DIAPH3: variants seen among roughly 807,000 people sequenced by gnomAD.
DIAPH3 encodes protein diaphanous homolog 3.
DIAPH3 carries 117 observed loss-of-function variants against 144.3 expected under a neutral mutation model. The observed-to-expected ratio is 0.81, with a 90% CI of 0.70 to 0.95. The LOEUF is 0.95. Ranked by LOEUF, DIAPH3 falls within the 40% of genes least tolerant of loss-of-function variation. The pLI, the probability that DIAPH3 is intolerant of heterozygous loss-of-function variation, is 0.00. For missense variants in DIAPH3, 1,421 were observed against 1,412.7 expected, an observed-to-expected ratio of 1.01 and a Z score of -0.09; for synonymous variants, 519 against 488.9, an observed-to-expected ratio of 1.06 and a Z score of -0.81.
At chr13:59,667,835 C>A (rs899302631) in intron 27 of DIAPH3, among the ~76,000 whole-genome samples, 2 of 152,078 alleles carry the variant, frequency 1.3e-5, no homozygotes, top group Non-Finnish European at 2.9e-5. Context: ...TTCCATTGTC[C>A]CAATAGTAAT....
rs184838028 is a variant in DIAPH3, at chr13:59,916,154, C to A, written c.2265+1G>T. On this transcript the variant is annotated splice_donor_variant, in intron 19 of 27. Coordinates refer to ENST00000400324, the MANE Select transcript of DIAPH3 (RefSeq NM_001042517.2). LOFTEE classifies it high-confidence loss of function. ...AATTTAAGCTGTGCCTGTTTGTTTA[C>A]CTGAATCATAGACTCTGCCAACCGT... The A allele has an allele frequency of 3.1e-6, 5 of 1,611,440 alleles. No homozygotes were observed. In the African/African-American group the frequency reaches 5.3e-5, roughly 17 times the overall value.
chr13:59,666,439 C>A lies in DIAPH3; in HGVS notation c.*145G>T. On this transcript the variant is annotated 3_prime_UTR_variant, in exon 28 of 28. Coordinates refer to ENST00000400324, the MANE Select transcript of DIAPH3 (RefSeq NM_001042517.2). The stretch of plus-strand genomic sequence containing the variant: ...CAGTACATAGAAAAAGCATTGCAAT[C>A]ATATATTTAGCTTTATTTTTCTAAT... 9 of 950,102 alleles carry A rather than the reference C, an allele frequency of 9.5e-6. No homozygotes were observed. Among genetic ancestry groups the A allele is most frequent in the Non-Finnish European group, 1.4e-5 (9 of 661,116 alleles). The allele number at this position is 950,102 out of a possible 1,614,324, so 58.9% of individuals were successfully genotyped here.
At chr13:59,712,489 C>G (rs987556310) in intron 27 of DIAPH3, among the ~76,000 whole-genome samples, 4 of 152,208 alleles carry the variant, frequency 2.6e-5, no homozygotes, top group Middle Eastern at 3.2e-3. Context: ...CTACCACTAT[C>G]TCTTATCTGG....
At chr13:59,762,352 G>A (rs575400895) in intron 27 of DIAPH3, among the ~76,000 whole-genome samples, 3 of 152,152 alleles carry the variant, frequency 2.0e-5, no homozygotes, top group South Asian at 2.1e-4. Context: ...GAGCCACCGC[G>A]CCCGGCTGCT....
At chr13:59,809,852 A>G (rs1359384915) in intron 25 of DIAPH3, among the ~76,000 whole-genome samples, 1 of 152,186 alleles carries the variant, frequency 6.6e-6, no homozygotes, top group Non-Finnish European at 1.5e-5. Flanking sequence ...TGAATTTGCA[A>G]CCCTGAATTG....
intron 17 of DIAPH3, among the ~76,000 whole-genome samples, chr13:59,952,300 T>C (rs2049141026): frequency 6.6e-6 from 1 of 152,142 alleles, no homozygotes; most frequent in African/African-American, 2.4e-5. Flanking sequence ...TTTGGAATGA[T>C]GAAAATGTTT....
intron 27 of DIAPH3, among the ~76,000 whole-genome samples, chr13:59,757,346 A>G (rs1366609308): frequency 6.6e-6 from 1 of 151,502 alleles, no homozygotes; most frequent in African/African-American, 2.4e-5. Flanking sequence ...ATTGAAAAAC[A>G]TAAAAGCCAA....
At chr13:59,975,310 C>G (rs960422110) in intron 14 of DIAPH3, among the ~76,000 whole-genome samples, 1 of 151,888 alleles carries the variant, frequency 6.6e-6, no homozygotes, top group African/African-American at 2.4e-5. Context: ...ATGTAGAACT[C>G]CACCGTTTAC....
intron 20 of DIAPH3, among the ~76,000 whole-genome samples, chr13:59,892,193 G>C (rs1031785081): frequency 3.9e-5 from 6 of 151,942 alleles, no homozygotes; most frequent in African/African-American, 1.2e-4. Flanking sequence ...GATAGAGAAT[G>C]ATGGGGGGCA....
intron 24 of DIAPH3, among the ~76,000 whole-genome samples, chr13:59,819,764 TA>T (rs35803459): frequency 5.1e-4 from 75 of 147,414 alleles, no homozygotes; most frequent in African/African-American, 1.3e-3. Flanking sequence ...TTAGAAGTTG[TA>T]AAAAAAAAAA....
At chr13:59,930,150 T>G (rs552294035) in intron 17 of DIAPH3, among the ~76,000 whole-genome samples, 3 of 152,186 alleles carry the variant, frequency 2.0e-5, no homozygotes, top group Non-Finnish European at 4.4e-5. Context: ...TGCCTAATTT[T>G]GTATACATGT....
At position 59,810,816 on chromosome 13, in the gene DIAPH3, C is replaced by G; in HGVS notation, c.3135G>C (p.Lys1045Asn). 1 of 1,613,466 alleles carries G rather than the reference C, an allele frequency of 6.2e-7. No homozygotes were observed. Among genetic ancestry groups the G allele is most frequent in the Non-Finnish European group, 8.5e-7 (1 of 1,179,890 alleles). Residue 1045 changes from lysine to asparagine, a missense_variant, in exon 25 of 28, where the codon AAG becomes AAC. Lys to Asn is a moderately conservative substitution (Grantham distance 94). Transcript: ENST00000400324. Reference sequence around the variant, plus strand: ...TCTTCATTTCTAATAAACGCTTTTTCTTTTGTTGGCGTTCGAGTCTTTCTC... The same window carrying G: ...TCTTCATTTCTAATAAACGCTTTTTGTTTTGTTGGCGTTCGAGTCTTTCTC... Reference protein sequence around the residue: ...AERERLERQQKKKRLLEMKTE... With the variant: ...AERERLERQQNKKRLLEMKTE...
chr13:59,829,552 T>C (rs1267770648), intron 24 of DIAPH3, among the ~76,000 whole-genome samples: 2 of 151,896 alleles, frequency 1.3e-5, no homozygotes, highest in African/African-American at 4.8e-5. Context: ...ACTATAAGGA[T>C]TAAATGGGTA....
At chr13:59,842,220 AT>A (rs1417862784) in intron 22 of DIAPH3, among the ~76,000 whole-genome samples, 1 of 151,924 alleles carries the variant, frequency 6.6e-6, no homozygotes. Flanking sequence ...ATATGTATTT[AT>A]TTTTAAGTAC....
chr13:60,094,894 T>C (rs2058059100), intron 3 of DIAPH3, among the ~76,000 whole-genome samples: 1 of 152,234 alleles, frequency 6.6e-6, no homozygotes, highest in Non-Finnish European at 1.5e-5. Flanking sequence ...TTTGCTGCTC[T>C]AGTTAGAAAC....
At chr13:59,799,821 T>C (rs1040533406) in intron 25 of DIAPH3, among the ~76,000 whole-genome samples, 27 of 152,362 alleles carry the variant, frequency 1.8e-4, no homozygotes, top group African/African-American at 6.5e-4. Context: ...GTAAGATTTA[T>C]TATTGAGAAA....
At chr13:59,913,210 CT>C (rs2047076207) in intron 19 of DIAPH3, among the ~76,000 whole-genome samples, 1 of 152,102 alleles carries the variant, frequency 6.6e-6, no homozygotes, top group Non-Finnish European at 1.5e-5. Context: ...CATCTTTCAC[CT>C]GAATTTTTTA....
chr13:60,031,687 A>ATAGG (rs1216089689), intron 5 of DIAPH3, among the ~76,000 whole-genome samples: 1 of 147,674 alleles, frequency 6.8e-6, no homozygotes, highest in Non-Finnish European at 1.5e-5. Context: ...CAAAGGGGCT[A>ATAGG]CAGGCCCTAA....
intron 18 of DIAPH3, 132 bp downstream of exon 18, chr13:59,924,643 A>G: frequency 7.2e-7 from 1 of 1,386,594 alleles, no homozygotes; most frequent in Non-Finnish European, 9.5e-7. Flanking sequence ...AAGGAGAGTT[A>G]TCTGTGAATT....
Sources: gnomAD v4.1 joint callset for allele counts (sites outside exome capture counted in the v4.1 genomes callset) on GRCh38, gnomAD v4.1.1 for gene constraint, MANE v1.5 for transcripts, NCBI Gene and HGNC (gene_info 2026-07-23, HGNC 2026-07-21) for gene names.